The following SLC9A9 variants were observed in gnomAD, a reference collection of about 807,000 sequenced individuals.
SLC9A9 encodes sodium/hydrogen exchanger 9.
A neutral mutation model predicts 77.8 loss-of-function variants in SLC9A9; 62 were observed. That is an observed-to-expected ratio of 0.80 (90% CI 0.65 to 0.98). The LOEUF (loss-of-function observed/expected upper bound fraction) is 0.98, where lower values mean the gene tolerates loss of function less well. SLC9A9 is among the 50% of genes least tolerant of loss of function. The probability of loss-of-function intolerance (pLI) is 0.00; values close to 1 mark genes in which losing one functional copy is unlikely to be tolerated. For synonymous variants in SLC9A9, 320 were observed against 283.5 expected (o/e 1.13, Z -1.29); for missense variants, 775 against 774.9 (o/e 1.00, Z 0.00).
chr3:143,427,561 C>T (rs906060604), intron 12 of SLC9A9, among the ~76,000 whole-genome samples: 2 of 152,024 alleles, frequency 1.3e-5, no homozygotes, highest in Non-Finnish European at 2.9e-5. Context: ...GCATTATATG[C>T]AATTTTTAAA....
At chr3:143,302,595 G>C (rs2030572130) in intron 14 of SLC9A9, among the ~76,000 whole-genome samples, 1 of 152,038 alleles carries the variant, frequency 6.6e-6, no homozygotes, top group African/African-American at 2.4e-5. Flanking sequence ...TAGCAGGAGG[G>C]AAGGAAATAA....
intron 5 of SLC9A9, among the ~76,000 whole-genome samples, chr3:143,657,623 C>T (rs900474806): frequency 6.6e-6 from 1 of 152,200 alleles, no homozygotes; most frequent in African/African-American, 2.4e-5. Context: ...CATGATGCAA[C>T]AGATTGAATG....
At position 143,738,857 on chromosome 3, in the gene SLC9A9, T is replaced by G. The variant is rs375974601; in HGVS notation, c.534-45550A>C. Among the ~76,000 whole-genome samples, 21 of 152,316 alleles carry G rather than the reference T, an allele frequency of 1.4e-4. No homozygotes were observed. In the East Asian group the frequency reaches 2.5e-3, roughly 18 times the overall value. On this transcript the variant is annotated intron_variant, in intron 4 of 15. Coordinates refer to ENST00000316549, the MANE Select transcript of SLC9A9 (RefSeq NM_173653.4). Reference sequence around the variant, plus strand: ...CTCAGGACCAGCCAAATGAAAGAGATGCACAGGAGAAGGCATGTGCAGGTA... The same window carrying G: ...CTCAGGACCAGCCAAATGAAAGAGAGGCACAGGAGAAGGCATGTGCAGGTA...
At chr3:143,511,480 T>C (rs990291815) in intron 9 of SLC9A9, among the ~76,000 whole-genome samples, 1 of 152,212 alleles carries the variant, frequency 6.6e-6, no homozygotes, top group Non-Finnish European at 1.5e-5. Context: ...TTTTTTGAAG[T>C]TGGAATTGCT....
intron 12 of SLC9A9, among the ~76,000 whole-genome samples, chr3:143,450,830 T>C (rs915690789): frequency 6.6e-6 from 1 of 151,930 alleles, no homozygotes; most frequent in South Asian, 2.1e-4. Context: ...GGTGAAGAAA[T>C]CCACAGCAGG....
At position 143,659,719 on chromosome 3, in the gene SLC9A9, G is replaced by A. The variant is rs532423028; in HGVS notation, c.650-7359C>T. On this transcript the variant is annotated intron_variant, in intron 5 of 15. Transcript: ENST00000316549. ...AGCTGAAGAATGCCTCATCCTTGGA[G>A]CATATGAATATGTTGCCTTGCATGC... 2.6e-5 allele frequency among the ~76,000 whole-genome samples: 4 copies of A among 152,310 alleles called. No homozygotes were observed. The East Asian group carries it at 7.7e-4, about 29-fold the overall frequency.
intron 4 of SLC9A9, among the ~76,000 whole-genome samples, chr3:143,755,968 T>C (rs2006911256): frequency 6.6e-6 from 1 of 152,100 alleles, no homozygotes; most frequent in African/African-American, 2.4e-5. Flanking sequence ...GAAAAGAAGA[T>C]AAACACTACA....
At chr3:143,301,696 C>G (rs2030526050) in intron 14 of SLC9A9, among the ~76,000 whole-genome samples, 1 of 152,152 alleles carries the variant, frequency 6.6e-6, no homozygotes, top group South Asian at 2.1e-4. Flanking sequence ...GGCACAGTCC[C>G]TGTGTTTTTG....
At chr3:143,706,237 G>A (rs1026305513) in intron 4 of SLC9A9, among the ~76,000 whole-genome samples, 2 of 152,148 alleles carry the variant, frequency 1.3e-5, no homozygotes, top group African/African-American at 4.8e-5. Context: ...AGTAATCCAG[G>A]GAACCATCGC....
intron 9 of SLC9A9, among the ~76,000 whole-genome samples, chr3:143,535,401 G>A (rs1035737308): frequency 1.3e-5 from 2 of 152,130 alleles, no homozygotes; most frequent in Non-Finnish European, 2.9e-5. Flanking sequence ...TTCTGACAAC[G>A]ATATCAGAGC....
intron 2 of SLC9A9, among the ~76,000 whole-genome samples, chr3:143,809,805 A>G (rs987996661): frequency 2.0e-5 from 3 of 152,248 alleles, no homozygotes; most frequent in East Asian, 3.8e-4. Flanking sequence ...GGTGGCCACT[A>G]GCCACATGAG....
intron 9 of SLC9A9, among the ~76,000 whole-genome samples, chr3:143,527,704 C>T (rs1370706333): frequency 3.3e-5 from 5 of 152,194 alleles, no homozygotes; most frequent in Non-Finnish European, 7.3e-5. Context: ...AGACTCAAGA[C>T]TCTTCAAGAC....
intron 9 of SLC9A9, among the ~76,000 whole-genome samples, chr3:143,539,897 A>AGAGT (rs1553764830): frequency 4.0e-5 from 6 of 150,956 alleles, no homozygotes; most frequent in African/African-American, 4.8e-5. Flanking sequence ...AGAGAGAGAG[A>AGAGT]GTGTGCAAGT....
At chr3:143,322,899 C>T (rs79412568) in intron 14 of SLC9A9, among the ~76,000 whole-genome samples, 323 of 151,952 alleles carry the variant, frequency 2.1e-3, no homozygotes, top group Non-Finnish European at 3.6e-3. Flanking sequence ...CCAAAGAACA[C>T]GAATAGACAT....
chr3:143,395,669 G>A (rs373311644), intron 12 of SLC9A9, among the ~76,000 whole-genome samples: 8 of 152,120 alleles, frequency 5.3e-5, no homozygotes, highest in African/African-American at 1.2e-4. Flanking sequence ...GCAACCTACA[G>A]AATGGGAGAA....
At chr3:143,650,514 A>T (rs954624947) in intron 6 of SLC9A9, among the ~76,000 whole-genome samples, 3 of 152,234 alleles carry the variant, frequency 2.0e-5, no homozygotes, top group African/African-American at 7.2e-5. Context: ...GGACCAGGAC[A>T]TGGCAGAGCT....
chr3:143,321,811 A>G (rs1177794818), intron 14 of SLC9A9, among the ~76,000 whole-genome samples: 1 of 152,206 alleles, frequency 6.6e-6, no homozygotes, highest in Non-Finnish European at 1.5e-5. Context: ...GGAAGACTCT[A>G]TTCACTCTAG....
chr3:143,693,874 A>C (rs923021806), intron 4 of SLC9A9, among the ~76,000 whole-genome samples: 3 of 152,160 alleles, frequency 2.0e-5, no homozygotes, highest in Non-Finnish European at 2.9e-5. Context: ...ACTCCAGGTC[A>C]CTGTTTAAAA....
In SLC9A9 at chr3:143,284,069, G is replaced by T. The variant is rs191319744; in HGVS notation, c.1605-15089C>A. Among the ~76,000 whole-genome samples, 326 of 150,384 alleles carry T rather than the reference G, an allele frequency of 2.2e-3. 1 individual carries two copies. The highest frequency in any genetic ancestry group is 7.9e-3 in the African/African-American group (321 of 40,822). ...TTTTTTTTTAATTTGGTAAGTCACAGATCCAGATTTAAGCCAAACCCGTGG... is the reference window on the plus strand; with the variant it reads ...TTTTTTTTTAATTTGGTAAGTCACATATCCAGATTTAAGCCAAACCCGTGG... On this transcript the variant is annotated intron_variant, in intron 14 of 15. Transcript: ENST00000316549.
Sources: gnomAD v4.1 joint callset for allele counts (sites outside exome capture counted in the v4.1 genomes callset) on GRCh38, gnomAD v4.1.1 for gene constraint, MANE v1.5 for transcripts, NCBI Gene and HGNC (gene_info 2026-07-23, HGNC 2026-07-21) for gene names.